ZFHX3: variants seen among roughly 807,000 people sequenced by gnomAD.
ZFHX3 encodes zinc finger homeobox protein 3.
Under a neutral mutation model 279.1 loss-of-function variants are expected in ZFHX3, and 42 were observed. The ratio of observed to expected loss-of-function variants is 0.15; its 90% confidence interval spans 0.12 to 0.19. The LOEUF (loss-of-function observed/expected upper bound fraction) is 0.19. ZFHX3 is among the 10% of genes least tolerant of loss of function. The pLI, the probability that ZFHX3 is intolerant of heterozygous loss-of-function variation, is 1.00. For missense variants in ZFHX3, 4,981 were observed against 4,754.0 expected, an observed-to-expected ratio of 1.05 and a Z score of -1.40; for synonymous variants, 2,293 against 1,957.8, an observed-to-expected ratio of 1.17 and a Z score of -4.52.
chr16:73,073,653 C>A (rs1463774881), intron 8 of ZFHX3, among the ~76,000 whole-genome samples: 2 of 152,160 alleles, frequency 1.3e-5, no homozygotes, highest in Non-Finnish European at 2.9e-5. Context: ...CACCTGCCAC[C>A]ATGCCCAGCT....
intron 3 of ZFHX3, among the ~76,000 whole-genome samples, chr16:73,329,358 T>C (rs1363058994): frequency 6.6e-6 from 1 of 152,266 alleles, no homozygotes; most frequent in African/African-American, 2.4e-5. Context: ...CTCTTGCTTG[T>C]GTCGACTATA....
chr16:73,170,223 G>T (rs1418525245), intron 5 of ZFHX3, among the ~76,000 whole-genome samples: 177 of 57,716 alleles, frequency 3.1e-3, no homozygotes, highest in Admixed American at 3.9e-3. Context: ...CCTTTCACTA[G>T]TTTTTTTTTT....
At chr16:73,540,894 G>A (rs566960274) in intron 2 of ZFHX3, among the ~76,000 whole-genome samples, 10 of 152,268 alleles carry the variant, frequency 6.6e-5, no homozygotes, top group South Asian at 6.2e-4. Flanking sequence ...ATGCAGGCAC[G>A]TACTGCTTGG....
At chr16:73,511,496 GCTCT>G (rs888990404) in intron 2 of ZFHX3, among the ~76,000 whole-genome samples, 2 of 152,188 alleles carry the variant, frequency 1.3e-5, no homozygotes, top group African/African-American at 4.8e-5. Flanking sequence ...GAAATTCTGT[GCTCT>G]CTGTGAAATG....
rs1273295225 is a variant in ZFHX3 at position 73,741,959 on chromosome 16, A to G, written c.-1607-61719T>C. On this transcript the variant is annotated intron_variant, in intron 1 of 17. Coordinates refer to the ZFHX3 transcript ENST00000641206. The stretch of plus-strand genomic sequence containing the variant: ...AACCTTAATCATTTACAAAGTCCCC[A>G]GTATTCACACCATAAGAATAAACCA... Among the ~76,000 whole-genome samples, 4 of 152,336 alleles carry G rather than the reference A, an allele frequency of 2.6e-5. No individual in the cohort carries two copies. The East Asian group carries it at 5.8e-4, about 22-fold the overall frequency.
intron 3 of ZFHX3, among the ~76,000 whole-genome samples, chr16:72,911,560 G>A (rs1029362371): frequency 2.6e-5 from 4 of 152,098 alleles, no homozygotes; most frequent in Non-Finnish European, 4.4e-5. Context: ...GAAACGGCTG[G>A]GCATTTCAGA....
chr16:73,632,862 G>A (rs556304341), intron 2 of ZFHX3, among the ~76,000 whole-genome samples: 2 of 152,250 alleles, frequency 1.3e-5, no homozygotes, highest in South Asian at 4.1e-4. Flanking sequence ...AGATCACAAG[G>A]TCAGGAGATA....
At chr16:72,884,525 G>A (rs552805765) in intron 4 of ZFHX3, among the ~76,000 whole-genome samples, 7 of 152,272 alleles carry the variant, frequency 4.6e-5, no homozygotes, top group Middle Eastern at 6.8e-3. Context: ...ATAATAGGTC[G>A]TCAATAAAGA....
intron 1 of ZFHX3, among the ~76,000 whole-genome samples, chr16:73,795,774 A>G (rs1447976887): frequency 6.6e-6 from 1 of 152,196 alleles, no homozygotes; most frequent in Non-Finnish European, 1.5e-5. Context: ...CAGATGTTTA[A>G]AAGTGTGAGT....
intron 3 of ZFHX3, among the ~76,000 whole-genome samples, chr16:72,946,189 A>C (rs992413281): frequency 1.3e-5 from 2 of 152,154 alleles, no homozygotes; most frequent in African/African-American, 4.8e-5. Context: ...TATGTGGAGA[A>C]TCTGGCCATG....
At chr16:73,833,594 G>A (rs964647924) in intron 1 of ZFHX3, among the ~76,000 whole-genome samples, 1 of 151,736 alleles carries the variant, frequency 6.6e-6, no homozygotes, top group Non-Finnish European at 1.5e-5. Flanking sequence ...TCACACACCA[G>A]GGCCTGTCGG....
At chr16:73,812,423 G>C (rs1774147308) in intron 1 of ZFHX3, among the ~76,000 whole-genome samples, 3 of 152,090 alleles carry the variant, frequency 2.0e-5, no homozygotes, top group Non-Finnish European at 4.4e-5. Flanking sequence ...TATAGAAATG[G>C]TGTTCTTTCT....
rs2017708437 is a variant in ZFHX3 at position 73,421,030 on chromosome 16, TTAAC to T, written c.-1291+34969_-1291+34972del. Reference sequence around the variant, plus strand: ...CAGAACAAGCTTGTGTGTGATATGCTTAACTGTTAATTTACCTAATTAAACTAAT... The same window carrying T: ...CAGAACAAGCTTGTGTGTGATATGCTTGTTAATTTACCTAATTAAACTAAT... On this transcript the variant is annotated intron_variant, in intron 3 of 17. Coordinates refer to the ZFHX3 transcript ENST00000641206. 2.6e-5 allele frequency: 4 copies of T among 152,236 alleles called. No homozygotes were observed. In the South Asian group the frequency reaches 8.3e-4, roughly 31 times the overall value. The allele number at this position is 152,236 out of a possible 1,614,324, so 9.4% of individuals were successfully genotyped here. A position where few individuals can be genotyped will look rare whatever the true frequency, so the allele number is the denominator to read the frequency against.
At chr16:73,417,437 G>A (rs2017613737) in intron 3 of ZFHX3, among the ~76,000 whole-genome samples, 1 of 119,852 alleles carries the variant, frequency 8.3e-6, no homozygotes, top group African/African-American at 3.3e-5. Flanking sequence ...TTGCTATGTC[G>A]CCCAGTTTGT....
intron 1 of ZFHX3, among the ~76,000 whole-genome samples, chr16:73,863,805 T>G (rs1310865069): frequency 6.6e-6 from 1 of 152,216 alleles, no homozygotes; most frequent in African/African-American, 2.4e-5. Flanking sequence ...AGATGTTCTG[T>G]GAAAGAATAA....
At chr16:73,043,739 C>T (rs1308541143) in intron 1 of ZFHX3, among the ~76,000 whole-genome samples, 1 of 152,228 alleles carries the variant, frequency 6.6e-6, no homozygotes, top group Non-Finnish European at 1.5e-5. Context: ...TTGCTCTGCA[C>T]CTCTGTCCTC....
intron 8 of ZFHX3, among the ~76,000 whole-genome samples, chr16:73,069,583 GTT>G (rs1282727401): frequency 1.3e-5 from 2 of 148,992 alleles, no homozygotes; most frequent in African/African-American, 5.2e-5. Context: ...AGGTGGTTTT[GTT>G]TTATTTTTTG....
chr16:72,788,664 T>TTGCTGC lies in ZFHX3; in HGVS notation c.9606_9611dup (p.Gln3203_Gln3204dup), dbSNP rs376311468. On this transcript the variant is annotated inframe_insertion, in exon 10 of 10. Transcript: ENST00000268489. The stretch of plus-strand genomic sequence containing the variant: ...GCGGGGGAGGCTGCTGCACCTGTGG[T>TTGCTGC]TGCTGCTGCTGCTGCTGCTGCTGGG... 1.6e-4 allele frequency: 261 copies of TTGCTGC among 1,611,598 alleles called. No individual in the cohort carries two copies. Among genetic ancestry groups the TTGCTGC allele is most frequent in the Admixed American group, 2.5e-4 (15 of 59,894 alleles).
At chr16:72,841,575 G>A (rs2037346908) in intron 4 of ZFHX3, among the ~76,000 whole-genome samples, 1 of 152,054 alleles carries the variant, frequency 6.6e-6, no homozygotes, top group African/African-American at 2.4e-5. Flanking sequence ...CAATGAAACG[G>A]TCTTTTGCTA....
Sources: allele counts gnomAD v4.1 joint callset (sites outside exome capture counted in the v4.1 genomes callset), GRCh38; gene constraint gnomAD v4.1.1; transcripts MANE v1.5; gene names NCBI Gene and HGNC (gene_info 2026-07-23, HGNC 2026-07-21).